LRCH1: variants seen among roughly 807,000 people sequenced by gnomAD.
LRCH1 encodes leucine rich repeats and calponin homology domain containing 1.
Under a neutral mutation model 94.9 loss-of-function variants are expected in LRCH1, and 23 were observed. The observed-to-expected ratio is 0.24, with a 90% confidence interval of 0.17 to 0.34. The LOEUF (loss-of-function observed/expected upper bound fraction) is 0.34, where lower values mean the gene tolerates loss of function less well. Ranked by LOEUF, LRCH1 falls within the 10% of genes least tolerant of loss-of-function variation. The pLI, the probability that LRCH1 is intolerant of heterozygous loss-of-function variation, is 1.00. For missense variants in LRCH1, 790 were observed against 945.9 expected, an observed-to-expected ratio of 0.84 and a Z score of 2.16; for synonymous variants, 364 against 354.9, an observed-to-expected ratio of 1.03 and a Z score of -0.29.
rs1873778040 is a variant in LRCH1, at chr13:46,743,666, T to G, written c.*1818T>G. 1.0e-6 allele frequency: 1 copy of G among 985,268 alleles called. No homozygotes were observed. The highest frequency in any genetic ancestry group is 6.2e-5 in the Admixed American group (1 of 16,252). The allele number at this position is 985,268 out of a possible 1,614,324, so 61.0% of individuals were successfully genotyped here. A position where few individuals can be genotyped will look rare whatever the true frequency, so the allele number is the denominator to read the frequency against. On this transcript the variant is annotated 3_prime_UTR_variant, in exon 20 of 20. Coordinates refer to ENST00000389797, the MANE Select transcript of LRCH1 (RefSeq NM_001164211.2). Reference sequence around the variant, plus strand: ...TCAGCATTCCCATCCAGCTCTGCAGTGCATTGAGGCTTCTCTTTAATGGTC... The same window carrying G: ...TCAGCATTCCCATCCAGCTCTGCAGGGCATTGAGGCTTCTCTTTAATGGTC...
chr13:46,575,545 T>TGTGTGTGTGTGTGTGTGTG (rs1555269322), intron 1 of LRCH1, among the ~76,000 whole-genome samples: 1 of 134,840 alleles, frequency 7.4e-6, no homozygotes, highest in African/African-American at 2.8e-5. Context: ...TGTGTGTGTG[T>TGTGTGTGTGTGTGTGTGTG]TGTGGGGGGG....
At chr13:46,702,691 G>A (rs58704956) in intron 11 of LRCH1, among the ~76,000 whole-genome samples, 1 of 152,150 alleles carries the variant, frequency 6.6e-6, no homozygotes, top group Non-Finnish European at 1.5e-5. Context: ...AAGAAAAAGA[G>A]AAATTCTGGA....
chr13:46,660,303 C>T (rs1005798022), intron 2 of LRCH1, among the ~76,000 whole-genome samples: 2 of 151,918 alleles, frequency 1.3e-5, no homozygotes, highest in South Asian at 2.1e-4. Flanking sequence ...CGTGAGCCAC[C>T]GCACCTGGCC....
In LRCH1 at chr13:46,574,680, C is replaced by T. The variant is rs141756947; in HGVS notation, c.307+20977C>T. 4.3e-3 allele frequency among the ~76,000 whole-genome samples: 662 copies of T among 152,230 alleles called. 5 individuals are homozygous for T. Among genetic ancestry groups the T allele is most frequent in the African/African-American group, 0.014 (595 of 41,534 alleles). On this transcript the variant is annotated intron_variant, in intron 1 of 19. Coordinates refer to ENST00000389797, the MANE Select transcript of LRCH1 (RefSeq NM_001164211.2). ...CTCTCTTCAAACATACAAACTTATA[C>T]GCATATTCTAAAACTTGTAAAAGGA...
intron 1 of LRCH1, among the ~76,000 whole-genome samples, chr13:46,647,084 G>A (rs2051230606): frequency 6.7e-6 from 1 of 148,574 alleles, no homozygotes; most frequent in African/African-American, 2.5e-5. Context: ...CTGCACTCCA[G>A]GCTGGGTGAC....
chr13:46,705,747 T>C (rs1055601302), intron 13 of LRCH1: 6 of 323,626 alleles, frequency 1.9e-5, no homozygotes, highest in South Asian at 2.7e-5. Flanking sequence ...TCGAGGAGGA[T>C]TGAGAGAATA....
In LRCH1 at chr13:46,650,148, G is replaced by A. The variant is rs182473321; in HGVS notation, c.308-53G>A. The A allele has an allele frequency of 1.0e-3, 1,295 of 1,276,648 alleles. 5 individuals are homozygous for A. Among genetic ancestry groups the A allele is most frequent in the Middle Eastern group, 1.9e-3 (10 of 5,376 alleles). The allele number at this position is 1,276,648 out of a possible 1,614,324, so 79.1% of individuals were successfully genotyped here. A position where few individuals can be genotyped will look rare whatever the true frequency, so the allele number is the denominator to read the frequency against. On this transcript the variant is annotated intron_variant, in intron 1 of 19. Coordinates refer to ENST00000389797, the MANE Select transcript of LRCH1 (RefSeq NM_001164211.2). ...AACAGTGTTTGTGGTTAATAAAAGT[G>A]TATTGATTTTGTTCAAATTTTGTTG...
intron 1 of LRCH1, among the ~76,000 whole-genome samples, chr13:46,614,422 A>T (rs1485710751): frequency 6.6e-6 from 1 of 152,240 alleles, no homozygotes; most frequent in Non-Finnish European, 1.5e-5. Flanking sequence ...ATACAAAATC[A>T]TGAAGTCACA....
intron 3 of LRCH1, among the ~76,000 whole-genome samples, chr13:46,674,844 G>A (rs867974033): frequency 1.2e-4 from 19 of 152,184 alleles, no homozygotes; most frequent in African/African-American, 4.6e-4. Flanking sequence ...GTCAAAACCA[G>A]GTTTTTTAAT....
downstream of LRCH1, among the ~76,000 whole-genome samples, chr13:46,745,138 C>T (rs1335183715): frequency 6.6e-6 from 1 of 152,180 alleles, no homozygotes; most frequent in Non-Finnish European, 1.5e-5. Flanking sequence ...ACATTTTAGG[C>T]TTCTTGGGCC....
At chr13:46,553,859 G>C (rs1806605943) in intron 1 of LRCH1, among the ~76,000 whole-genome samples, 156 bp downstream of exon 1, 1 of 152,332 alleles carries the variant, frequency 6.6e-6, no homozygotes, top group African/African-American at 2.4e-5. Context: ...GCGTGGGCGC[G>C]GAAGAAGCGG....
Position 46,701,206 on chromosome 13 carries a change from G to A in LRCH1, c.1399G>A (p.Gly467Arg), listed in dbSNP as rs1346079544. ...EAVDLLQDPN[G>R]LSTDITERSV... The stretch of plus-strand genomic sequence containing the variant: ...AGTAGATTTGCTGCAAGATCCCAAT[G>A]GGTGTGTATGTCTCCTTGGTCCAGG... The change falls in exon 11 of 20, where the codon GGA becomes AGA. Residue 467 changes from glycine (G) to arginine (R), a missense_variant and splice_region_variant. Coordinates refer to ENST00000389797, the MANE Select transcript of LRCH1 (RefSeq NM_001164211.2). 6.2e-7 allele frequency: 1 copy of A among 1,605,582 alleles called. No individual in the cohort carries two copies. The highest frequency in any genetic ancestry group is 2.2e-5 in the East Asian group (1 of 44,810).
chr13:46,598,397 G>A (rs549191961), intron 1 of LRCH1, among the ~76,000 whole-genome samples: 10 of 151,950 alleles, frequency 6.6e-5, no homozygotes, highest in Admixed American at 2.6e-4. Context: ...TGCTTGTCTC[G>A]GGGGAAAAGA....
intron 1 of LRCH1, among the ~76,000 whole-genome samples, chr13:46,575,292 C>T (rs2050290957): frequency 6.6e-6 from 1 of 152,010 alleles, no homozygotes; most frequent in Non-Finnish European, 1.5e-5. Context: ...CTGTGCACCC[C>T]AGACATTGAT....
At chr13:46,748,310 G>C (rs7985557), downstream of LRCH1, among the ~76,000 whole-genome samples, 8,382 of 150,444 alleles carry the variant, frequency 0.056, 744 homozygotes, top group African/African-American at 0.19. Flanking sequence ...CTCTTTATTT[G>C]ATTTCAAATT....
intron 1 of LRCH1, among the ~76,000 whole-genome samples, chr13:46,637,708 C>T (rs1445140015): frequency 5.8e-5 from 6 of 102,876 alleles, no homozygotes; most frequent in Non-Finnish European, 1.0e-4. Flanking sequence ...TCCCGCACTT[C>T]GTAGTTTTTT....
At chr13:46,746,882 G>T (rs532245978), downstream of LRCH1, among the ~76,000 whole-genome samples, 1 of 152,132 alleles carries the variant, frequency 6.6e-6, no homozygotes, top group Non-Finnish European at 1.5e-5. Context: ...TTCTTGGGAC[G>T]CCTCCTGGTT....
intron 7 of LRCH1, among the ~76,000 whole-genome samples, chr13:46,691,501 C>T (rs529722321): frequency 1.3e-5 from 2 of 152,194 alleles, no homozygotes; most frequent in South Asian, 2.1e-4. Context: ...GCCCGAGGGT[C>T]GATAATTTAT....
chr13:46,633,332 A>G (rs552567911), intron 1 of LRCH1, among the ~76,000 whole-genome samples: 1 of 152,230 alleles, frequency 6.6e-6, no homozygotes, highest in Non-Finnish European at 1.5e-5. Context: ...AAGAATATTG[A>G]TTTCTAAAGC....
Sources: allele counts gnomAD v4.1 joint callset (sites outside exome capture counted in the v4.1 genomes callset), GRCh38; gene constraint gnomAD v4.1.1; transcripts MANE v1.5; gene names NCBI Gene and HGNC (gene_info 2026-07-23, HGNC 2026-07-21).